PSMD14: variants seen among roughly 807,000 people sequenced by gnomAD.
The protein encoded by PSMD14 is proteasome 26S subunit, non-ATPase 14.
In PSMD14, 7 loss-of-function variants were observed where a neutral mutation model predicts 41.2. The ratio of observed to expected loss-of-function variants is 0.17; its 90% CI spans 0.10 to 0.32. The LOEUF (loss-of-function observed/expected upper bound fraction) is 0.32. PSMD14 is among the 10% of genes least tolerant of loss of function. The pLI, the probability that PSMD14 is intolerant of heterozygous loss-of-function variation, is 1.00. For missense variants in PSMD14, 139 were observed against 375.6 expected, an observed-to-expected ratio of 0.37 and a Z score of 5.21; for synonymous variants, 114 against 122.3, an observed-to-expected ratio of 0.93 and a Z score of 0.45.
intron 10 of PSMD14, among the ~76,000 whole-genome samples, chr2:161,406,006 AAAC>A (rs1193752774): frequency 6.6e-6 from 1 of 152,130 alleles, no homozygotes; most frequent in East Asian, 1.9e-4. Context: ...ACAACAACAA[AAAC>A]AACAAAAAAT....
chr2:161,370,457 C>G (rs1322269542), intron 6 of PSMD14, among the ~76,000 whole-genome samples: 1 of 152,060 alleles, frequency 6.6e-6, no homozygotes, highest in African/African-American at 2.4e-5. Flanking sequence ...TATGGAGTTA[C>G]TGTCTAGTCA....
intron 11 of PSMD14, among the ~76,000 whole-genome samples, chr2:161,410,669 A>AT (rs919477141): frequency 2.0e-5 from 3 of 152,020 alleles, no homozygotes; most frequent in Non-Finnish European, 4.4e-5. Context: ...GCTATGATAC[A>AT]TTTTTTTCAA....
At chr2:161,388,019 G>A (rs1683656216) in intron 8 of PSMD14, among the ~76,000 whole-genome samples, 1 of 151,900 alleles carries the variant, frequency 6.6e-6, no homozygotes, top group South Asian at 2.1e-4. Context: ...ACTTTCAAAT[G>A]TTTAGAATTG....
chr2:161,408,957 A>G (rs1364388509), intron 11 of PSMD14, 58 bp downstream of exon 11: 1 of 1,417,878 alleles, frequency 7.1e-7, no homozygotes, highest in Non-Finnish European at 9.8e-7. Context: ...TTATAGAGTT[A>G]AAACTGTTTT....
intron 3 of PSMD14, among the ~76,000 whole-genome samples, chr2:161,357,903 C>T (rs951467732): frequency 1.4e-4 from 20 of 146,252 alleles, no homozygotes; most frequent in Admixed American, 2.0e-4. Context: ...ACTTCCTGTT[C>T]TTTTTTTTTT....
intron 1 of PSMD14, among the ~76,000 whole-genome samples, chr2:161,315,699 A>G (rs1465824133): frequency 6.6e-6 from 1 of 152,082 alleles, no homozygotes; most frequent in Non-Finnish European, 1.5e-5. Context: ...TAAAATAGCA[A>G]ATTTTCAGGG....
chr2:161,377,897 G>C (rs1271636357), intron 7 of PSMD14, among the ~76,000 whole-genome samples: 1 of 151,828 alleles, frequency 6.6e-6, no homozygotes, highest in Non-Finnish European at 1.5e-5. Context: ...GAGTACATTG[G>C]AATTATAGAG....
At chr2:161,347,507 C>T (rs148127159) in intron 3 of PSMD14, among the ~76,000 whole-genome samples, 24 of 152,172 alleles carry the variant, frequency 1.6e-4, no homozygotes, top group African/African-American at 4.8e-4. Context: ...TCTACTCAGA[C>T]GTTAGATCAT....
At chr2:161,314,990 TC>T (rs1258355274) in intron 1 of PSMD14, among the ~76,000 whole-genome samples, 1 of 152,220 alleles carries the variant, frequency 6.6e-6, no homozygotes, top group Non-Finnish European at 1.5e-5. Flanking sequence ...GCCAAACTGT[TC>T]CCAGCACTCA....
intron 8 of PSMD14, among the ~76,000 whole-genome samples, chr2:161,389,896 T>TTTTTTTTTTTTTTTG (rs1683688638): frequency 9.5e-6 from 1 of 105,558 alleles, no homozygotes; most frequent in African/African-American, 3.5e-5. Flanking sequence ...GTTGTTTTTT[T>TTTTTTTTTTTTTTTG]TTTTTTTTTT....
At chr2:161,327,131 T>A (rs560327769) in intron 3 of PSMD14, among the ~76,000 whole-genome samples, 19 of 152,312 alleles carry the variant, frequency 1.2e-4, no homozygotes, top group Admixed American at 2.6e-4. Flanking sequence ...ACAAATGTTA[T>A]ATGATTCCAC....
At chr2:161,402,698 G>A (rs1683896390) in intron 10 of PSMD14, among the ~76,000 whole-genome samples, 2 of 149,896 alleles carry the variant, frequency 1.3e-5, no homozygotes. Context: ...TTAAAAACAG[G>A]AAAAAAAAAA....
At chr2:161,393,736 C>A (rs1386273084) in intron 9 of PSMD14, among the ~76,000 whole-genome samples, 2 of 151,824 alleles carry the variant, frequency 1.3e-5, no homozygotes, top group Non-Finnish European at 2.9e-5. Context: ...TTTTGTGAAT[C>A]ATCCAAAGGG....
intron 3 of PSMD14, among the ~76,000 whole-genome samples, chr2:161,331,528 G>C (rs1255056405): frequency 6.6e-6 from 1 of 152,166 alleles, no homozygotes; most frequent in Non-Finnish European, 1.5e-5. Context: ...AAAGTGCTGG[G>C]ATTACAGGCG....
At chr2:161,376,387 T>A (rs956914777) in intron 7 of PSMD14, among the ~76,000 whole-genome samples, 2 of 151,822 alleles carry the variant, frequency 1.3e-5, no homozygotes, top group Admixed American at 1.3e-4. Flanking sequence ...TGATACTTTA[T>A]TCTGAAGATT....
intron 3 of PSMD14, among the ~76,000 whole-genome samples, chr2:161,345,407 T>G (rs1166925354): frequency 2.0e-5 from 3 of 151,818 alleles, no homozygotes; most frequent in Non-Finnish European, 4.4e-5. Flanking sequence ...TATGCCCGGC[T>G]AATTTTTCTA....
intron 3 of PSMD14, among the ~76,000 whole-genome samples, chr2:161,323,778 A>G (rs1428139990): frequency 1.3e-5 from 2 of 152,244 alleles, no homozygotes; most frequent in Admixed American, 6.5e-5. Flanking sequence ...AAGATGTTTT[A>G]TTAGTACTAT....
chr2:161,340,757 C>G, intron 3 of PSMD14: 2 of 1,611,216 alleles, frequency 1.2e-6, no homozygotes, highest in Admixed American at 1.7e-5. Context: ...TTTTATCTCT[C>G]AAGCTTTTAA....
intron 1 of PSMD14, among the ~76,000 whole-genome samples, chr2:161,315,887 A>T (rs1397233762): frequency 2.2e-5 from 3 of 138,490 alleles, no homozygotes; most frequent in African/African-American, 8.2e-5. Context: ...CTTGTTGCCC[A>T]GGCTGGAGTG....
Sources: gnomAD v4.1 joint callset for allele counts (sites outside exome capture counted in the v4.1 genomes callset) on GRCh38, gnomAD v4.1.1 for gene constraint, MANE v1.5 for transcripts, NCBI Gene and HGNC (gene_info 2026-07-23, HGNC 2026-07-21) for gene names.